Variants in BNC2 observed in about 807,000 individuals in gnomAD.
The protein encoded by BNC2 is zinc finger protein basonuclin-2.
A neutral mutation model predicts 76.3 loss-of-function variants in BNC2; 20 were observed. That is an observed-to-expected ratio of 0.26 (90% CI 0.18 to 0.38). The LOEUF (loss-of-function observed/expected upper bound fraction) is 0.38, where lower values mean the gene tolerates loss of function less well. Among genes scored for constraint, BNC2 ranks in the 10% least tolerant of loss-of-function variants. The pLI, the probability that BNC2 is intolerant of heterozygous loss-of-function variation, is 1.00. For missense variants in BNC2, 1,382 were observed against 1,399.8 expected (o/e 0.99, Z 0.20); for synonymous variants, 582 against 514.8 (o/e 1.13, Z -1.77).
At chr9:16,658,614 C>T (rs900396512) in intron 3 of BNC2, among the ~76,000 whole-genome samples, 8 of 152,186 alleles carry the variant, frequency 5.3e-5, no homozygotes, top group Admixed American at 5.2e-4. Context: ...ATTCTCTTAT[C>T]CTTCCAAATT....
At chr9:16,535,749 T>A (rs1222730603) in intron 5 of BNC2, among the ~76,000 whole-genome samples, 3 of 152,158 alleles carry the variant, frequency 2.0e-5, no homozygotes, top group African/African-American at 7.2e-5. Context: ...CCTGGAGTAG[T>A]CATCTGCCAC....
intron 1 of BNC2, among the ~76,000 whole-genome samples, chr9:16,830,380 C>A (rs547913468): frequency 6.6e-6 from 1 of 152,264 alleles, no homozygotes; most frequent in Admixed American, 6.5e-5. Flanking sequence ...ATTGGTGTAG[C>A]ATTTGCATAT....
chr9:16,737,262 T>C (rs1824702034), intron 2 of BNC2, among the ~76,000 whole-genome samples: 1 of 93,886 alleles, frequency 1.1e-5, no homozygotes, highest in Admixed American at 1.2e-4. Context: ...TTTTTTTTTT[T>C]CTTTTTTTGA....
intron 4 of BNC2, among the ~76,000 whole-genome samples, chr9:16,572,724 T>C (rs1819360290): frequency 6.6e-6 from 1 of 151,982 alleles, no homozygotes; most frequent in South Asian, 2.1e-4. Context: ...CAGGAAAAAC[T>C]GGCCAGGATC....
chr9:16,814,253 G>A (rs1818126996), intron 1 of BNC2, among the ~76,000 whole-genome samples: 1 of 152,160 alleles, frequency 6.6e-6, no homozygotes, highest in African/African-American at 2.4e-5. Flanking sequence ...TATATAGTTG[G>A]TGGGCCAGCA....
At chr9:16,824,196 G>C (rs1397132121) in intron 1 of BNC2, among the ~76,000 whole-genome samples, 1 of 152,140 alleles carries the variant, frequency 6.6e-6, no homozygotes, top group Non-Finnish European at 1.5e-5. Flanking sequence ...ACGACAGTGA[G>C]GAGGATAATA....
At chr9:16,861,111 G>GAA (rs1406242743) in intron 1 of BNC2, among the ~76,000 whole-genome samples, 2 of 150,072 alleles carry the variant, frequency 1.3e-5, no homozygotes, top group Admixed American at 1.3e-4. Flanking sequence ...GGGGGTCAAG[G>GAA]AAACAGGATC....
In BNC2 at chr9:16,665,488, AAGAG is replaced by A. The variant is rs754680621; in HGVS notation, c.330+62305_330+62308del. 6.1e-3 allele frequency among the ~76,000 whole-genome samples: 830 copies of A among 135,564 alleles called. 14 individuals are homozygous for A. Among genetic ancestry groups the A allele is most frequent in the African/African-American group, 0.022 (724 of 33,444 alleles). The allele number at this position is 135,564 out of a possible 152,430, so 88.9% of individuals were successfully genotyped here. On this transcript the variant is annotated intron_variant, in intron 3 of 6. Coordinates refer to ENST00000380672, the MANE Select transcript of BNC2 (RefSeq NM_017637.6). Reference sequence around the variant, plus strand: ...AAAGAAAGAAAGAAAGAAAGAAAGAAAGAGAGAGAGAGAAATCACAGCAAATTTC... The same window carrying A: ...AAAGAAAGAAAGAAAGAAAGAAAGAAAGAGAGAGAAATCACAGCAAATTTC...
At chr9:16,675,002 A>T in intron 3 of BNC2, among the ~76,000 whole-genome samples, 1 of 152,214 alleles carries the variant, frequency 6.6e-6, no homozygotes, top group East Asian at 1.9e-4. Flanking sequence ...CTAGAAAAGT[A>T]GAAGGGAAAA....
intron 3 of BNC2, among the ~76,000 whole-genome samples, chr9:16,636,219 G>GA (rs889501490): frequency 2.0e-5 from 3 of 150,302 alleles, no homozygotes; most frequent in East Asian, 1.9e-4. Flanking sequence ...ATTATCTACA[G>GA]AAAAAAAAAT....
At chr9:16,617,611 G>C (rs1025665065) in intron 3 of BNC2, among the ~76,000 whole-genome samples, 2 of 151,794 alleles carry the variant, frequency 1.3e-5, no homozygotes, top group African/African-American at 4.8e-5. Flanking sequence ...CAGGCACAAA[G>C]TTTAGTAAAA....
At chr9:16,609,614 G>A (rs1354184336) in intron 3 of BNC2, among the ~76,000 whole-genome samples, 3 of 152,168 alleles carry the variant, frequency 2.0e-5, no homozygotes, top group African/African-American at 7.2e-5. Context: ...TGTAGAAGAT[G>A]GCTACAAACT....
chr9:16,854,699 A>G (rs1455786954), intron 1 of BNC2, among the ~76,000 whole-genome samples: 2 of 152,076 alleles, frequency 1.3e-5, no homozygotes, highest in East Asian at 1.9e-4. Flanking sequence ...TAAAAAACCA[A>G]AGAGAGGCAA....
rs368307757 is a variant in BNC2, at chr9:16,808,937, T to C, written c.3+61709A>G. ...AAACAGAGGTACTAATGTACTTGGC[T>C]GTCCCCTAAAGAAGAGAGCTCCACC... On this transcript the variant is annotated intron_variant, in intron 1 of 6. Coordinates refer to ENST00000380672, the MANE Select transcript of BNC2 (RefSeq NM_017637.6). Among the ~76,000 whole-genome samples, 144 of 152,190 alleles carry C rather than the reference T, an allele frequency of 9.5e-4. 1 individual carries two copies. Among genetic ancestry groups the C allele is most frequent in the African/African-American group, 3.2e-3 (134 of 41,524 alleles).
chr9:16,751,743 A>G (rs1825218254), intron 1 of BNC2, among the ~76,000 whole-genome samples: 1 of 151,482 alleles, frequency 6.6e-6, no homozygotes, highest in Admixed American at 6.6e-5. Context: ...TTTAACAATT[A>G]TTTTCAGCCA....
chr9:16,746,786 A>AC, intron 1 of BNC2, among the ~76,000 whole-genome samples: 1 of 151,310 alleles, frequency 6.6e-6, no homozygotes, highest in East Asian at 2.0e-4. Flanking sequence ...ACATGATGAA[A>AC]CCTGTCTCTA....
At chr9:16,853,339 G>C (rs1162204590) in intron 1 of BNC2, among the ~76,000 whole-genome samples, 2 of 151,102 alleles carry the variant, frequency 1.3e-5, no homozygotes, top group Non-Finnish European at 2.9e-5. Flanking sequence ...CAGGGAGGTC[G>C]AGGCTGCAGT....
intron 5 of BNC2, among the ~76,000 whole-genome samples, chr9:16,514,219 T>C (rs1318979755): frequency 1.3e-5 from 2 of 152,218 alleles, no homozygotes; most frequent in African/African-American, 4.8e-5. Context: ...GAAATACTTC[T>C]ATTGTCTCCA....
At chr9:16,791,618 C>A (rs1343045969) in intron 1 of BNC2, among the ~76,000 whole-genome samples, 1 of 152,148 alleles carries the variant, frequency 6.6e-6, no homozygotes, top group Admixed American at 6.5e-5. Flanking sequence ...TTCCTAAAGA[C>A]CCCATTCACA....
Sources: gnomAD v4.1 joint callset for allele counts (sites outside exome capture counted in the v4.1 genomes callset) on GRCh38, gnomAD v4.1.1 for gene constraint, MANE v1.5 for transcripts, NCBI Gene and HGNC (gene_info 2026-07-23, HGNC 2026-07-21) for gene names.